The following CCDC136 variants were observed in gnomAD, a reference collection of about 807,000 sequenced individuals.
The protein encoded by CCDC136 is coiled-coil domain-containing protein 136.
A neutral mutation model predicts 141.2 loss-of-function variants in CCDC136; 100 were observed. The observed-to-expected ratio is 0.71, with a 90% CI of 0.60 to 0.84. The LOEUF is 0.84. Ranked by LOEUF, CCDC136 falls within the 40% of genes least tolerant of loss-of-function variation. The probability of loss-of-function intolerance (pLI) is 0.00; values close to 1 mark genes in which losing one functional copy is unlikely to be tolerated. For synonymous variants in CCDC136, 474 were observed against 531.9 expected, an observed-to-expected ratio of 0.89 and a Z score of 1.50; for missense variants, 1,206 against 1,379.4, an observed-to-expected ratio of 0.87 and a Z score of 1.99.
intron 3 of CCDC136, among the ~76,000 whole-genome samples, chr7:128,796,739 A>ATATT: frequency 6.2e-5 from 7 of 113,382 alleles, no homozygotes; most frequent in African/African-American, 2.3e-4. Flanking sequence ...ATATATATAT[A>ATATT]TTCTTTTTTT....
At chr7:128,807,185 T>C (rs374036775) in intron 9 of CCDC136, among the ~76,000 whole-genome samples, 175 bp from the exon 10 acceptor site, 1 of 152,288 alleles carries the variant, frequency 6.6e-6, no homozygotes, top group Admixed American at 6.5e-5. Context: ...ACTGGGAAGG[T>C]CTGTGTTTCA....
In CCDC136 at chr7:128,806,327, C is replaced by T; in HGVS notation, c.1180C>T (p.Gln394Ter). Residue 394 changes from glutamine to a stop codon, truncating the protein, a stop_gained, in exon 8 of 18, where the codon CAA becomes TAA. Transcript: ENST00000297788. LOFTEE classifies it high-confidence loss of function. ...EQNELLKMQL[Q>*]LQTELRQLKV... The stretch of plus-strand genomic sequence containing the variant: ...GAACGAGCTCTTGAAGATGCAGCTG[C>T]AACTTCAGACTGAGCTCCGGCAGCT... The T allele has an allele frequency of 6.3e-7, 1 of 1,598,958 alleles. No individual in the cohort carries two copies. The highest frequency in any genetic ancestry group is 8.5e-7 in the Non-Finnish European group (1 of 1,172,718).
intron 12 of CCDC136, among the ~76,000 whole-genome samples, 166 bp from the exon 13 acceptor site, chr7:128,811,634 A>C (rs1009144974): frequency 2.6e-5 from 4 of 152,214 alleles, no homozygotes; most frequent in African/African-American, 9.6e-5. Flanking sequence ...AAACTGATAC[A>C]TGCCAGTTAC....
At chr7:128,810,805 G>A (rs1033118611) in intron 12 of CCDC136, among the ~76,000 whole-genome samples, 3 of 152,162 alleles carry the variant, frequency 2.0e-5, no homozygotes, top group Admixed American at 6.5e-5. Context: ...ATCACCTTTG[G>A]TGTTCTCTAT....
rs1013915830 is a variant in CCDC136 at position 128,794,361 on chromosome 7, C to G, written c.30C>G (p.Leu10=). Residue 10 remains leucine (L), a synonymous_variant, in exon 2 of 18, where the codon CTC becomes CTG. Coordinates refer to ENST00000297788, the MANE Select transcript of CCDC136 (RefSeq NM_022742.5). This position sits in a 1 kb window ranked among gnomAD's most constrained non-coding sequence, Gnocchi z 4.3. MQAMEGEVL[L]PALYEEEEEE... is the part of the protein sequence containing the mutation. ...TGTGTCTCCTAGGGGAGGTGTTACT[C>G]CCAGCTCTCTATGAGGAGGAAGAGG... 13 of 1,553,230 alleles carry G rather than the reference C, an allele frequency of 8.4e-6. No homozygotes were observed. Among genetic ancestry groups the G allele is most frequent in the Non-Finnish European group, 1.0e-5 (12 of 1,147,726 alleles).
At chr7:128,815,006 G>A (rs543296083) in intron 15 of CCDC136, 87 bp downstream of exon 15, 1 of 1,175,042 alleles carries the variant, frequency 8.5e-7, no homozygotes, top group South Asian at 1.7e-5. Flanking sequence ...TTTCAACCAG[G>A]CAAGGGATTT....
chr7:128,792,272 C>CCCCG lies in CCDC136; in HGVS notation c.-140_-139insCCCG. ...CCCTTCTTTCCTCTGCACCCCAGCC[C>CCCCG]GCAGCCAGCCCCCCACCCCCCAGCC... On this transcript the variant is annotated 5_prime_UTR_variant, in exon 1 of 18. It removes the in-frame stop codon of an upstream open reading frame in the 5' UTR. Transcript: ENST00000297788. 1 of 1,521,096 alleles carries CCCCG rather than the reference C, an allele frequency of 6.6e-7. No individual in the cohort carries two copies. The highest frequency in any genetic ancestry group is 8.8e-7 in the Non-Finnish European group (1 of 1,130,166). 94.2% of individuals were successfully genotyped at this position (1,521,096 alleles called of 1,614,324 possible).
At position 128,809,431 on chromosome 7, in the gene CCDC136, C is replaced by T; in HGVS notation, c.1606-19C>T. 2 of 1,419,980 alleles carry T rather than the reference C, an allele frequency of 1.4e-6. No individual in the cohort carries two copies. The highest frequency in any genetic ancestry group is 1.9e-6 in the Non-Finnish European group (2 of 1,036,266). The allele number at this position is 1,419,980 out of a possible 1,614,324, so 88.0% of individuals were successfully genotyped here. ...CCTTACAGAGTAACCACCCCCTCCA[C>T]ACCCGCCCCCACCCACAGTGTGACA... On this transcript the variant is annotated intron_variant, in intron 10 of 17. Transcript: ENST00000297788.
chr7:128,805,930 G>C lies in CCDC136; in HGVS notation c.1089+29G>C, dbSNP rs200228896. 7 of 1,612,772 alleles carry C rather than the reference G, an allele frequency of 4.3e-6. No homozygotes were observed. Among genetic ancestry groups the C allele is most frequent in the Non-Finnish European group, 5.9e-6 (7 of 1,179,632 alleles). On this transcript the variant is annotated intron_variant, in intron 7 of 17. Transcript: ENST00000297788. The surrounding 1 kb of genome is among the most constrained non-coding windows in gnomAD (Gnocchi z 4.6). ...AACACTGCCCGGGGAGGCATCTGGG[G>C]TGGGGGCAGAAGGGCCTCATGGAGG...
intron 4 of CCDC136, among the ~76,000 whole-genome samples, chr7:128,803,471 C>T (rs1048268224): frequency 6.6e-6 from 1 of 151,908 alleles, no homozygotes; most frequent in Non-Finnish European, 1.5e-5. Flanking sequence ...GGCAATGTGG[C>T]GGAACCCCAT....
At position 128,796,749 on chromosome 7, in the gene CCDC136, T is replaced by A. The variant is rs1287175926; in HGVS notation, c.346+1981T>A. On this transcript the variant is annotated intron_variant, in intron 3 of 17. Transcript: ENST00000297788. Reference sequence around the variant, plus strand: ...TATATATATATATATATTCTTTTTTTTTTTTTTTTTGAGACGGAGTCTCGC... The same window carrying A: ...TATATATATATATATATTCTTTTTTATTTTTTTTTTGAGACGGAGTCTCGC... Among the ~76,000 whole-genome samples the A allele has an allele frequency of 1.2e-3, 134 of 111,518 alleles. 6 individuals carry two copies. Among genetic ancestry groups the A allele is most frequent in the African/African-American group, 5.3e-3 (123 of 23,388 alleles). The allele number at this position is 111,518 out of a possible 152,430, so 73.2% of individuals were successfully genotyped here.
At chr7:128,793,207 C>A (rs887322595) in intron 1 of CCDC136, among the ~76,000 whole-genome samples, 2 of 152,188 alleles carry the variant, frequency 1.3e-5, no homozygotes, top group Non-Finnish European at 2.9e-5. Context: ...ATAGGGACTG[C>A]GTTGCAGTAA....
chr7:128,819,757 A>G (rs117463290), intron 17 of CCDC136, among the ~76,000 whole-genome samples: 1,869 of 152,308 alleles, frequency 0.012, 30 homozygotes, highest in Non-Finnish European at 0.015. Flanking sequence ...TTAGCAACAA[A>G]TAAGATTCCA....
At chr7:128,795,338 A>C (rs149631904) in intron 3 of CCDC136, among the ~76,000 whole-genome samples, 1 of 152,132 alleles carries the variant, frequency 6.6e-6, no homozygotes, top group Non-Finnish European at 1.5e-5. Context: ...GCAGCAAGGC[A>C]GATGCCCCAC....
intron 15 of CCDC136, 122 bp from the exon 16 acceptor site, chr7:128,815,492 G>A: frequency 1.8e-6 from 2 of 1,133,940 alleles, no homozygotes; most frequent in Non-Finnish European, 2.5e-6. Context: ...AGAGCACCGG[G>A]CCACACCCTT....
intron 10 of CCDC136, among the ~76,000 whole-genome samples, chr7:128,808,242 G>C (rs1805170249): frequency 6.6e-6 from 1 of 152,122 alleles, no homozygotes; most frequent in African/African-American, 2.4e-5. Context: ...TCGCCATGTT[G>C]GTCAGGCTGG....
chr7:128,814,725 G>A lies in CCDC136; in HGVS notation c.2851G>A (p.Glu951Lys). ...DEQGRLLVVQ[E>K]QLEGQLQCCQ... is the part of the protein sequence containing the mutation. ...GCAGGGGCGGCTTCTGGTAGTGCAG[G>A]AGCAGCTGGAGGGGCAGCTGCAGTG... The change falls in exon 15 of 18, where the codon GAG (glutamate) becomes AAG (lysine). Residue 951 changes from glutamate (E) to lysine (K), a missense_variant. Transcript: ENST00000297788. 9 of 1,613,642 alleles carry A rather than the reference G, an allele frequency of 5.6e-6. No homozygotes were observed. Among genetic ancestry groups the A allele is most frequent in the Non-Finnish European group, 6.8e-6 (8 of 1,179,662 alleles).
At chr7:128,807,594 A>G (rs1318618653) in intron 10 of CCDC136, 49 bp downstream of exon 10, 18 of 1,291,652 alleles carry the variant, frequency 1.4e-5, no homozygotes, top group Admixed American at 3.6e-5. Context: ...TGCTCCAGAG[A>G]GAAGAGGTAC....
At position 128,805,695 on chromosome 7, in the gene CCDC136, A is replaced by C; in HGVS notation, c.949-66A>C. 6.3e-7 allele frequency: 1 copy of C among 1,597,510 alleles called. No individual in the cohort carries two copies. The highest frequency in any genetic ancestry group is 1.1e-5 in the South Asian group (1 of 89,080). On this transcript the variant is annotated intron_variant, in intron 6 of 17. Transcript: ENST00000297788. The surrounding 1 kb of genome is among the most constrained non-coding windows in gnomAD (Gnocchi z 4.6). ...GTCAAAGAGCGCCATGCTTTCCCCA[A>C]GCTTGTTCTTGGAGCATATGTGGTA...
Sources: gnomAD v4.1 joint callset for allele counts (sites outside exome capture counted in the v4.1 genomes callset) on GRCh38, gnomAD v4.1.1 for gene constraint, Gnocchi (gnomAD v3.1) non-coding constraint, MANE v1.5 for transcripts, NCBI Gene and HGNC (gene_info 2026-07-23, HGNC 2026-07-21) for gene names.